The following USP7 variants were observed in gnomAD, a reference collection of about 807,000 sequenced individuals.
USP7 encodes ubiquitin specific peptidase 7, also known as ubiquitin C-terminal hydrolase 7.
A neutral mutation model predicts 162.9 loss-of-function variants in USP7; 9 were observed. The ratio of observed to expected loss-of-function variants is 0.06; its 90% CI spans 0.03 to 0.10. The LOEUF (loss-of-function observed/expected upper bound fraction) is 0.10, where lower values mean the gene tolerates loss of function less well. USP7 is among the 10% of genes least tolerant of loss of function. The pLI, the probability that USP7 is intolerant of heterozygous loss-of-function variation, is 1.00. For missense variants in USP7, 715 were observed against 1,373.7 expected, an observed-to-expected ratio of 0.52 and a Z score of 7.58; for synonymous variants, 562 against 475.9, an observed-to-expected ratio of 1.18 and a Z score of -2.35.
chr16:8,959,772 G>GC (rs1242494931), intron 1 of USP7, among the ~76,000 whole-genome samples: 1 of 152,150 alleles, frequency 6.6e-6, no homozygotes, highest in African/African-American at 2.4e-5. Flanking sequence ...ACATGCTTCA[G>GC]CAGAAAAGTA....
At chr16:8,894,691 A>G (rs1436566914) in intron 29 of USP7, 51 bp from the exon 30 acceptor site, 1 of 1,612,160 alleles carries the variant, frequency 6.2e-7, no homozygotes, top group South Asian at 1.1e-5. Context: ...TATCAGCAAA[A>G]CTCACATCTC....
At chr16:8,899,314 C>G (rs1359236530) in intron 22 of USP7, 126 bp from the exon 23 acceptor site, 3 of 905,170 alleles carry the variant, frequency 3.3e-6, no homozygotes, top group East Asian at 5.2e-5. Flanking sequence ...ATTTATTAAA[C>G]AGGAATAAAC....
intron 11 of USP7, 138 bp from the exon 12 acceptor site, chr16:8,908,588 T>C (rs2061895570): frequency 1.5e-6 from 1 of 649,488 alleles, no homozygotes; most frequent in Admixed American, 3.2e-5. Flanking sequence ...GGTGTCCATT[T>C]AGGGCATCTT....
intron 1 of USP7, among the ~76,000 whole-genome samples, chr16:8,937,472 G>T (rs1043827143): frequency 6.6e-6 from 1 of 152,336 alleles, no homozygotes; most frequent in East Asian, 1.9e-4. Flanking sequence ...AACCCAGGAG[G>T]CGGAGGTTGC....
At chr16:8,900,901 CTG>C (rs1205532921) in intron 20 of USP7, 87 bp downstream of exon 20, 8 of 1,352,596 alleles carry the variant, frequency 5.9e-6, no homozygotes, top group Middle Eastern at 2.6e-4. Flanking sequence ...AGACCTAACA[CTG>C]TAACAAATTC....
intron 26 of USP7, among the ~76,000 whole-genome samples, chr16:8,896,780 C>T (rs1011098594): frequency 3.3e-5 from 5 of 152,166 alleles, no homozygotes; most frequent in Admixed American, 6.5e-5. Context: ...TGCACCACAG[C>T]GGCTTGAGGG....
At chr16:8,894,204 G>C (rs1203141058) in intron 30 of USP7, 100 bp from the exon 31 acceptor site, 15 of 1,145,812 alleles carry the variant, frequency 1.3e-5, no homozygotes, top group East Asian at 2.4e-5. Flanking sequence ...GGCTCCCCAA[G>C]GGGTAAGTTC....
At chr16:8,913,685 C>T (rs1350362791) in intron 10 of USP7, among the ~76,000 whole-genome samples, 1 of 152,080 alleles carries the variant, frequency 6.6e-6, no homozygotes, top group East Asian at 1.9e-4. Context: ...AAATTAAAAA[C>T]GGAGGAGCAT....
chr16:8,942,588 G>A (rs983874825), intron 1 of USP7, among the ~76,000 whole-genome samples: 3 of 152,118 alleles, frequency 2.0e-5, no homozygotes, highest in Non-Finnish European at 2.9e-5. Flanking sequence ...CGCTCTGTTG[G>A]GCAGGCTGGA....
At chr16:8,962,223 AGGTG>A in intron 1 of USP7, among the ~76,000 whole-genome samples, 1 of 152,328 alleles carries the variant, frequency 6.6e-6, no homozygotes, top group South Asian at 2.1e-4. Flanking sequence ...GTTTTCATTC[AGGTG>A]GCCTCCATTT....
intron 3 of USP7, among the ~76,000 whole-genome samples, 171 bp downstream of exon 3, chr16:8,923,044 A>C (rs1226357892): frequency 6.6e-6 from 1 of 152,224 alleles, no homozygotes; most frequent in East Asian, 1.9e-4. Context: ...TTACAAGATA[A>C]AAATATACTT....
At chr16:8,958,179 C>T (rs1185894342) in intron 1 of USP7, among the ~76,000 whole-genome samples, 3 of 152,184 alleles carry the variant, frequency 2.0e-5, no homozygotes, top group Non-Finnish European at 4.4e-5. Context: ...GCCCATCCCA[C>T]CGGCACAGTA....
At chr16:8,949,076 C>G (rs765138075) in intron 1 of USP7, among the ~76,000 whole-genome samples, 5 of 152,182 alleles carry the variant, frequency 3.3e-5, no homozygotes, top group Non-Finnish European at 7.3e-5. Flanking sequence ...TGAAAATGTG[C>G]TCGAATTGAA....
At chr16:8,921,802 C>T (rs1406587476) in intron 3 of USP7, among the ~76,000 whole-genome samples, 1 of 152,194 alleles carries the variant, frequency 6.6e-6, no homozygotes, top group Non-Finnish European at 1.5e-5. Context: ...ACTACTGTAC[C>T]TGCAGTGAAG....
chr16:8,955,288 A>C (rs1008444703), intron 1 of USP7, among the ~76,000 whole-genome samples: 2 of 152,226 alleles, frequency 1.3e-5, no homozygotes, highest in African/African-American at 4.8e-5. Context: ...GTCTCACCCC[A>C]GGCTAGAGTG....
intron 11 of USP7, among the ~76,000 whole-genome samples, chr16:8,910,525 G>A (rs561222349): frequency 1.3e-5 from 2 of 152,118 alleles, no homozygotes; most frequent in African/African-American, 2.4e-5. Flanking sequence ...AAGACCCTCC[G>A]GACTGCTGGA....
At chr16:8,942,546 C>T (rs1429174006) in intron 1 of USP7, among the ~76,000 whole-genome samples, 2 of 152,192 alleles carry the variant, frequency 1.3e-5, no homozygotes, top group African/African-American at 2.4e-5. Context: ...CAATATTTGG[C>T]TTACGGCTTA....
intron 1 of USP7, among the ~76,000 whole-genome samples, chr16:8,940,032 AG>A (rs1261977608): frequency 2.0e-5 from 3 of 152,168 alleles, no homozygotes. Context: ...AGGGAGGCGA[AG>A]GTTGTAGTGA....
At chr16:8,897,223 G>A (rs2061696225) in intron 25 of USP7, 124 bp from the exon 26 acceptor site, 1 of 732,428 alleles carries the variant, frequency 1.4e-6, no homozygotes, top group East Asian at 2.5e-5. Flanking sequence ...CCATGTTCTT[G>A]CTCTCATTCC....
Sources: allele counts gnomAD v4.1 joint callset (sites outside exome capture counted in the v4.1 genomes callset), GRCh38; gene constraint gnomAD v4.1.1; transcripts MANE v1.5; gene names NCBI Gene and HGNC (gene_info 2026-07-23, HGNC 2026-07-21).